Variants in CCDC171 observed in about 807,000 individuals in gnomAD.
CCDC171 encodes the protein coiled-coil domain-containing protein 171.
In CCDC171, 177 loss-of-function variants were observed where a neutral mutation model predicts 168.2. The ratio of observed to expected loss-of-function variants is 1.05; its 90% CI spans 0.93 to 1.19. CCDC171 has a LOEUF of 1.19. Among genes scored for constraint, CCDC171 ranks in the 50% most tolerant of loss-of-function variants. The pLI, the probability that CCDC171 is intolerant of heterozygous loss-of-function variation, is 0.00. For synonymous variants in CCDC171, 687 were observed against 540.8 expected (o/e 1.27, Z -3.75); for missense variants, 1,991 against 1,539.0 (o/e 1.29, Z -4.91).
chr9:15,993,771 G>A (rs926350699), intron 3 of CCDC171, among the ~76,000 whole-genome samples: 5 of 152,172 alleles, frequency 3.3e-5, no homozygotes, highest in Non-Finnish European at 7.3e-5. Flanking sequence ...CCATCAAAAA[G>A]TGGCAAAGGA....
At chr9:15,709,143 T>C (rs1368085425) in intron 11 of CCDC171, among the ~76,000 whole-genome samples, 2 of 152,096 alleles carry the variant, frequency 1.3e-5, no homozygotes, top group African/African-American at 4.8e-5. Flanking sequence ...CAAAAAGAAA[T>C]GACCTTTTTC....
intron 23 of CCDC171, among the ~76,000 whole-genome samples, chr9:15,859,531 A>C (rs2061473180): frequency 6.6e-6 from 1 of 151,966 alleles, no homozygotes; most frequent in South Asian, 2.1e-4. Context: ...TTTCTTTGTC[A>C]GAAGATTTTT....
chr9:15,824,050 G>A (rs569856831), intron 21 of CCDC171, among the ~76,000 whole-genome samples: 1 of 152,030 alleles, frequency 6.6e-6, no homozygotes, highest in Admixed American at 6.6e-5. Flanking sequence ...AATTAATCAG[G>A]CTACACAGTG....
At chr9:15,576,055 G>A (rs1314658038) in intron 3 of CCDC171, among the ~76,000 whole-genome samples, 1 of 148,864 alleles carries the variant, frequency 6.7e-6, no homozygotes, top group Non-Finnish European at 1.5e-5. Flanking sequence ...TCATGCCACT[G>A]TACTCCAGCT....
At chr9:15,694,658 A>G (rs1025731245) in intron 10 of CCDC171, among the ~76,000 whole-genome samples, 1 of 152,146 alleles carries the variant, frequency 6.6e-6, no homozygotes, top group African/African-American at 2.4e-5. Flanking sequence ...ATCCAGTTCA[A>G]TCCAGTCCAA....
the CCDC171 span, among the ~76,000 whole-genome samples, chr9:16,085,453 C>T: frequency 6.6e-6 from 1 of 152,186 alleles, no homozygotes; most frequent in Non-Finnish European, 1.5e-5. Flanking sequence ...AAGCCAGTGC[C>T]ACTGGCCTAC....
chr9:15,578,044 A>G (rs1406967169), intron 3 of CCDC171, among the ~76,000 whole-genome samples: 1 of 152,174 alleles, frequency 6.6e-6, no homozygotes, highest in Non-Finnish European at 1.5e-5. Flanking sequence ...CACTTTTATT[A>G]CTTTATGATC....
Position 15,867,444 on chromosome 9 carries a change from T to C in CCDC171, c.3469-7088T>C, listed in dbSNP as rs1004061606. Among the ~76,000 whole-genome samples the C allele has an allele frequency of 7.2e-5, 11 of 152,046 alleles. No individual in the cohort carries two copies. In the South Asian group the frequency reaches 8.3e-4, roughly 11 times the overall value. On this transcript the variant is annotated intron_variant, in intron 23 of 25. Transcript: ENST00000380701. ...AACCCAATTTTTAGTGGCTTGTCAA[T>C]GACTCTCTAAATGTTACTTACGGTC...
chr9:15,828,333 G>GAA (rs71325935), intron 21 of CCDC171, among the ~76,000 whole-genome samples: 2,830 of 147,406 alleles, frequency 0.019, 57 homozygotes, highest in African/African-American at 0.041. Flanking sequence ...AGAAGATACA[G>GAA]AAAAAAAAAA....
rs969995745 is a variant in CCDC171, at chr9:15,834,720, C to A, written c.3268-11982C>A. On this transcript the variant is annotated intron_variant, in intron 21 of 25. Coordinates refer to ENST00000380701, the MANE Select transcript of CCDC171 (RefSeq NM_173550.4). The stretch of plus-strand genomic sequence containing the variant: ...ACTGCAAAGGGTAAAGCATATTTGT[C>A]AGTTTTATCTTGTGCTAGCAAAAGC... Among the ~76,000 whole-genome samples, 109 of 152,118 alleles carry A rather than the reference C, an allele frequency of 7.2e-4. 1 individual carries two copies. Among genetic ancestry groups the A allele is most frequent in the African/African-American group, 2.4e-3 (100 of 41,442 alleles).
At chr9:15,949,743 G>A (rs200334232) in intron 25 of CCDC171, among the ~76,000 whole-genome samples, 10 of 152,108 alleles carry the variant, frequency 6.6e-5, no homozygotes, top group East Asian at 3.9e-4. Flanking sequence ...CAATCATGTC[G>A]TCTGCAAACA....
At chr9:15,584,961 A>G (rs1373370179) in intron 4 of CCDC171, among the ~76,000 whole-genome samples, 3 of 152,214 alleles carry the variant, frequency 2.0e-5, no homozygotes, top group African/African-American at 7.2e-5. Flanking sequence ...CTACAGAGTA[A>G]GATAGAGAGA....
the CCDC171 span, among the ~76,000 whole-genome samples, chr9:16,075,993 C>T: frequency 6.6e-6 from 1 of 152,178 alleles, no homozygotes; most frequent in Non-Finnish European, 1.5e-5. Flanking sequence ...AAAATGTACT[C>T]CTTATTGCAA....
intron 10 of CCDC171, among the ~76,000 whole-genome samples, chr9:15,679,649 A>C (rs1392863017): frequency 4.6e-5 from 7 of 152,144 alleles, no homozygotes; most frequent in Admixed American, 1.3e-4. Flanking sequence ...TCCTGGGCTC[A>C]AGCAATCCTC....
Position 15,778,643 on chromosome 9 carries a change from C to CAAAAAAAAAA in CCDC171, c.2899-312_2899-303dup, listed in dbSNP as rs527592822. 3.3e-3 allele frequency among the ~76,000 whole-genome samples: 191 copies of CAAAAAAAAAA among 58,736 alleles called. 23 individuals carry two copies. Among genetic ancestry groups the CAAAAAAAAAA allele is most frequent in the East Asian group, 0.011 (15 of 1,380 alleles). The allele number at this position is 58,736 out of a possible 152,430, so 38.5% of individuals were successfully genotyped here. A position where few individuals can be genotyped will look rare whatever the true frequency, so the allele number is the denominator to read the frequency against. Reference sequence around the variant, plus strand: ...CCTGGCCTACAGAGTAAGACTGTCTCAAAAAAAAAAAAAAAAAAAAAAGGC... The same window carrying CAAAAAAAAAA: ...CCTGGCCTACAGAGTAAGACTGTCTCAAAAAAAAAAAAAAAAAAAAAAAAAAAAAAAAGGC... On this transcript the variant is annotated intron_variant, in intron 19 of 25. Transcript: ENST00000380701.
At chr9:15,919,421 A>G (rs1824999218) in intron 24 of CCDC171, among the ~76,000 whole-genome samples, 1 of 151,838 alleles carries the variant, frequency 6.6e-6, no homozygotes, top group African/African-American at 2.4e-5. Context: ...CAGACTGTCT[A>G]CCTTTATACT....
At chr9:15,856,842 C>T (rs906709585) in intron 23 of CCDC171, among the ~76,000 whole-genome samples, 5 of 151,966 alleles carry the variant, frequency 3.3e-5, no homozygotes, top group African/African-American at 1.2e-4. Context: ...ACATGGGTTC[C>T]AGTTTCTCCA....
At chr9:16,062,199 A>C (rs1285176776), downstream of CCDC171, among the ~76,000 whole-genome samples, 1 of 152,138 alleles carries the variant, frequency 6.6e-6, no homozygotes. Context: ...CAAAACAAAC[A>C]AACAAGAAAG....
chr9:15,832,444 A>T (rs2136251339), intron 21 of CCDC171, among the ~76,000 whole-genome samples: 1 of 152,352 alleles, frequency 6.6e-6, no homozygotes, highest in East Asian at 1.9e-4. Context: ...CCTTCTACAC[A>T]CATAGGCTCC....
Sources: gnomAD v4.1 joint callset for allele counts (sites outside exome capture counted in the v4.1 genomes callset) on GRCh38, gnomAD v4.1.1 for gene constraint, MANE v1.5 for transcripts, NCBI Gene and HGNC (gene_info 2026-07-23, HGNC 2026-07-21) for gene names.